EML5: variants seen among roughly 807,000 people sequenced by gnomAD.
EML5 encodes the protein EMAP like 5, also known as echinoderm microtubule-associated protein-like 5.
A neutral mutation model predicts 250.0 loss-of-function variants in EML5; 120 were observed. The ratio of observed to expected loss-of-function variants is 0.48; its 90% confidence interval spans 0.41 to 0.56. The LOEUF (loss-of-function observed/expected upper bound fraction) is 0.56, where lower values mean the gene tolerates loss of function less well. EML5 is among the 20% of genes least tolerant of loss of function. The pLI is 0.00. For missense variants in EML5, 2,006 were observed against 2,437.6 expected (o/e 0.82, Z 3.73); for synonymous variants, 771 against 806.5 (o/e 0.96, Z 0.75).
chr14:88,741,739 G>A (rs1181539112), intron 4 of EML5, among the ~76,000 whole-genome samples: 1 of 152,012 alleles, frequency 6.6e-6, no homozygotes, highest in Admixed American at 6.6e-5. Context: ...CCAAAAAAAT[G>A]GGACAGGGCA....
intron 25 of EML5, among the ~76,000 whole-genome samples, chr14:88,661,374 G>GCT: frequency 6.6e-6 from 1 of 152,280 alleles, no homozygotes; most frequent in Non-Finnish European, 1.5e-5. Flanking sequence ...GGGATTATAG[G>GCT]CATGAGCCAC....
intron 7 of EML5, among the ~76,000 whole-genome samples, chr14:88,728,741 G>C (rs2093706439): frequency 6.6e-6 from 1 of 151,938 alleles, no homozygotes; most frequent in Admixed American, 6.6e-5. Flanking sequence ...ACTGTATTTT[G>C]GAGGATGTTC....
chr14:88,643,277 T>A (rs192607384), intron 30 of EML5, among the ~76,000 whole-genome samples: 1 of 152,294 alleles, frequency 6.6e-6, no homozygotes, highest in African/African-American at 2.4e-5. Context: ...GTAGTCTGAT[T>A]CCAAGAACTT....
In EML5 at chr14:88,705,569, A is replaced by G. The variant is rs773528568; in HGVS notation, c.1845T>C (p.His615=). 1 of 1,595,090 alleles carries G rather than the reference A, an allele frequency of 6.3e-7. No individual in the cohort carries two copies. The highest frequency in any genetic ancestry group is 8.6e-7 in the Non-Finnish European group (1 of 1,169,514). The change falls in exon 12 of 44, where the codon CAT becomes CAC. Residue 615 remains histidine, a synonymous_variant. Coordinates refer to ENST00000554922, the MANE Select transcript of EML5 (RefSeq NM_183387.3). ...IAPQESLADS[H]SDESDSDLSD... ...ACAGATCTGAATCTGATTCATCACT[A>G]TGAGAGTCAGCCAGACTTTCTGTAA...
intron 1 of EML5, among the ~76,000 whole-genome samples, chr14:88,777,561 T>A (rs1340838167): frequency 6.6e-6 from 1 of 152,234 alleles, no homozygotes; most frequent in East Asian, 1.9e-4. Flanking sequence ...ACACTGCAAC[T>A]GTGGTATGTA....
rs1482357440 is a variant in EML5 at position 88,613,861 on chromosome 14, G to T, written c.*1957C>A. 1 of 152,160 alleles carries T rather than the reference G, an allele frequency of 6.6e-6. No individual in the cohort carries two copies. The highest frequency in any genetic ancestry group is 1.5e-5 in the Non-Finnish European group (1 of 68,030). 9.4% of individuals were successfully genotyped at this position (152,160 alleles called of 1,614,324 possible). A position where few individuals can be genotyped will look rare whatever the true frequency, so the allele number is the denominator to read the frequency against. ...GTAAACATAGGGCAGATTCTATATG[G>T]CCTATCATGTTTCTTCACCTTCCCC... On this transcript the variant is annotated 3_prime_UTR_variant, in exon 44 of 44. Coordinates refer to ENST00000554922, the MANE Select transcript of EML5 (RefSeq NM_183387.3).
chr14:88,714,302 A>T (rs990488627), intron 9 of EML5, among the ~76,000 whole-genome samples: 3 of 152,196 alleles, frequency 2.0e-5, no homozygotes, highest in African/African-American at 7.2e-5. Flanking sequence ...ATAAAAAGAG[A>T]ATCTGTTTTA....
At chr14:88,698,835 T>C (rs192197928) in intron 14 of EML5, among the ~76,000 whole-genome samples, 1 of 152,194 alleles carries the variant, frequency 6.6e-6, no homozygotes, top group Non-Finnish European at 1.5e-5. Flanking sequence ...TAACACTCAC[T>C]GAGAAGTAAT....
At chr14:88,752,015 TTGGTATATGCTCAACACCTTTAGC>T (rs2094103974) in intron 2 of EML5, among the ~76,000 whole-genome samples, 3 of 152,222 alleles carry the variant, frequency 2.0e-5, no homozygotes, top group Admixed American at 2.0e-4. Context: ...TACCTGGCAC[TTGGTATATGCTCAACACCTTTAGC>T]TATTATGTTT....
rs2087389365 is a variant in EML5, at chr14:88,615,135, A to G, written c.*683T>C. On this transcript the variant is annotated 3_prime_UTR_variant, in exon 44 of 44. Transcript: ENST00000554922. The stretch of plus-strand genomic sequence containing the variant: ...GCGATTACAGAGATGGCATCTGAAC[A>G]TAAACTGATGGCTCGAAAATGAAAA... The G allele has an allele frequency of 6.6e-6, 1 of 152,214 alleles. No homozygotes were observed. Among genetic ancestry groups the G allele is most frequent in the African/African-American group, 2.4e-5 (1 of 41,458 alleles). 9.4% of individuals were successfully genotyped at this position (152,214 alleles called of 1,614,324 possible). A position where few individuals can be genotyped will look rare whatever the true frequency, so the allele number is the denominator to read the frequency against.
At position 88,664,618 on chromosome 14, in the gene EML5, CCA is replaced by C; in HGVS notation, c.3282_3283del (p.Gly1095GlufsTer9). On this transcript the variant is annotated frameshift_variant, in exon 23 of 44. Transcript: ENST00000554922. LOFTEE classifies it high-confidence loss of function. ...ATGGGATGCTACAGCAAGATATTTC[CCA>C]GAACCTATAATAGAAACATATTTGC... 6.2e-7 allele frequency: 1 copy of C among 1,604,126 alleles called. No individual in the cohort carries two copies. Among genetic ancestry groups the C allele is most frequent in the Non-Finnish European group, 8.5e-7 (1 of 1,177,040 alleles).
At chr14:88,762,881 C>T (rs765716329) in intron 1 of EML5, among the ~76,000 whole-genome samples, 17 of 152,080 alleles carry the variant, frequency 1.1e-4, no homozygotes, top group African/African-American at 2.9e-4. Context: ...TACAACTACA[C>T]GGAAACTGAA....
chr14:88,769,700 G>A (rs2094367312), intron 1 of EML5, among the ~76,000 whole-genome samples: 1 of 152,138 alleles, frequency 6.6e-6, no homozygotes, highest in Non-Finnish European at 1.5e-5. Flanking sequence ...ACTAACCCAT[G>A]CATACATTCT....
chr14:88,653,112 A>G (rs772868094), intron 27 of EML5, among the ~76,000 whole-genome samples: 30 of 152,130 alleles, frequency 2.0e-4, no homozygotes, highest in Non-Finnish European at 4.1e-4. Flanking sequence ...TTATTGGTGT[A>G]GAGGAATGCT....
At position 88,740,379 on chromosome 14, in the gene EML5, G is replaced by A. The variant is rs780242492; in HGVS notation, c.711+8C>T. 4 of 1,601,382 alleles carry A rather than the reference G, an allele frequency of 2.5e-6. No individual in the cohort carries two copies. The African/African-American group carries it at 4.0e-5, about 16-fold the overall frequency. On this transcript the variant is annotated splice_region_variant and intron_variant, in intron 5 of 43. Coordinates refer to ENST00000554922, the MANE Select transcript of EML5 (RefSeq NM_183387.3). The stretch of plus-strand genomic sequence containing the variant: ...ATGAAAGTGTTTAAAATACTTAAAT[G>A]TACTTACAGCATGGGCTCCTTGTAT...
chr14:88,779,433 T>C (rs2094475900), intron 1 of EML5, among the ~76,000 whole-genome samples: 4 of 152,230 alleles, frequency 2.6e-5, no homozygotes, highest in Non-Finnish European at 2.9e-5. Context: ...CAACAGTTTA[T>C]ATAATAAAGG....
chr14:88,766,286 C>T (rs7161635), intron 1 of EML5, among the ~76,000 whole-genome samples: 26,696 of 152,052 alleles, frequency 0.18, 2,895 homozygotes, highest in East Asian at 0.47. Context: ...GAGAGCTGGG[C>T]GGAACAGAGC....
At chr14:88,733,796 G>C (rs2093797262) in intron 7 of EML5, among the ~76,000 whole-genome samples, 1 of 152,046 alleles carries the variant, frequency 6.6e-6, no homozygotes, top group Non-Finnish European at 1.5e-5. Flanking sequence ...TTACACTAAA[G>C]GAAGCTTTAC....
chr14:88,766,042 C>T (rs1214433631), intron 1 of EML5, among the ~76,000 whole-genome samples: 2 of 152,162 alleles, frequency 1.3e-5, no homozygotes, highest in African/African-American at 4.8e-5. Context: ...ATTTAATGGA[C>T]ATTTATCACT....
Sources: allele counts gnomAD v4.1 joint callset (sites outside exome capture counted in the v4.1 genomes callset), GRCh38; gene constraint gnomAD v4.1.1; transcripts MANE v1.5; gene names NCBI Gene and HGNC (gene_info 2026-07-23, HGNC 2026-07-21).